MLH3: variants seen among roughly 807,000 people sequenced by gnomAD.
MLH3 encodes mutL homolog 3.
Under a neutral mutation model 122.2 loss-of-function variants are expected in MLH3, and 82 were observed. The ratio of observed to expected loss-of-function variants is 0.67; its 90% confidence interval spans 0.56 to 0.81. MLH3 has a LOEUF of 0.81. Among genes scored for constraint, MLH3 ranks in the 30% least tolerant of loss-of-function variants. The pLI is 0.00. For synonymous variants in MLH3, 524 were observed against 599.5 expected (o/e 0.87, Z 1.84); for missense variants, 1,539 against 1,714.5 (o/e 0.90, Z 1.81).
rs1242755524 is a variant in MLH3 at position 75,047,251 on chromosome 14, T to A, written c.2405A>T (p.Asp802Val). ...CTCCATAGTAGTGATTTTACAAACA[T>A]CAGAGTTCTCTAAGCGGTTCTTGTC... ...LKDKNRLENSDVCKITTMEHS... is the reference protein window; with the variant it reads ...LKDKNRLENSVVCKITTMEHS... The change falls in exon 2 of 13, where the codon GAT becomes GTT. Residue 802 changes from aspartate (D) to valine (V), a missense_variant. By Grantham distance (152) the Asp-to-Val change is radical. Transcript: ENST00000355774. 2 of 1,614,178 alleles carry A rather than the reference T, an allele frequency of 1.2e-6. No individual in the cohort carries two copies. The highest frequency in any genetic ancestry group is 4.5e-5 in the East Asian group (2 of 44,874).
At chr14:75,035,420 G>T (rs1041630580) in intron 6 of MLH3, among the ~76,000 whole-genome samples, 2 of 152,176 alleles carry the variant, frequency 1.3e-5, no homozygotes, top group African/African-American at 2.4e-5. Context: ...TACTTGGAAG[G>T]CTGAGGCTGG....
intron 6 of MLH3, 73 bp from the exon 7 acceptor site, chr14:75,033,563 A>T (rs1405043677): frequency 1.8e-6 from 2 of 1,142,590 alleles, no homozygotes; most frequent in Non-Finnish European, 2.7e-6. Context: ...GAGGACAGAG[A>T]AGACTTAATT....
In MLH3 at chr14:75,016,011, T is replaced by C. The variant is rs144155479; in HGVS notation, c.*1071A>G. 169 of 231,224 alleles carry C rather than the reference T, an allele frequency of 7.3e-4. No homozygotes were observed. The highest frequency in any genetic ancestry group is 3.7e-3 in the African/African-American group (167 of 45,360). The allele number at this position is 231,224 out of a possible 1,614,324, so 14.3% of individuals were successfully genotyped here. A position where few individuals can be genotyped will look rare whatever the true frequency, so the allele number is the denominator to read the frequency against. The stretch of plus-strand genomic sequence containing the variant: ...GCAATAAACATTACCAGCTGGCTTT[T>C]TGCATTTTTTTTCTACTATGCAATT... On this transcript the variant is annotated 3_prime_UTR_variant, in exon 13 of 13. Coordinates refer to ENST00000355774, the MANE Select transcript of MLH3 (RefSeq NM_001040108.2).
Position 75,016,772 on chromosome 14 carries a change from C to A in MLH3, c.*310G>T. ...AAATCACACCCTTCAAATAACAAAC[C>A]AAGCAACCAATCAAACTGTCATTAA... On this transcript the variant is annotated 3_prime_UTR_variant, in exon 13 of 13. Transcript: ENST00000355774. 2 of 308,608 alleles carry A rather than the reference C, an allele frequency of 6.5e-6. No individual in the cohort carries two copies. Among genetic ancestry groups the A allele is most frequent in the Non-Finnish European group, 6.3e-6 (1 of 158,598 alleles). 19.1% of individuals were successfully genotyped at this position (308,608 alleles called of 1,614,324 possible).
intron 6 of MLH3, among the ~76,000 whole-genome samples, chr14:75,037,344 C>T (rs1891490172): frequency 6.6e-6 from 1 of 152,200 alleles, no homozygotes; most frequent in African/African-American, 2.4e-5. Flanking sequence ...TCTTGTATCT[C>T]TTTCTCCATT....
rs750178172 is a variant in MLH3, at chr14:75,047,530, A to C, written c.2126T>G (p.Ile709Arg). 1 of 1,614,044 alleles carries C rather than the reference A, an allele frequency of 6.2e-7. No individual in the cohort carries two copies. Among genetic ancestry groups the C allele is most frequent in the Admixed American group, 1.7e-5 (1 of 60,030 alleles). The change falls in exon 2 of 13, where the codon ATA (isoleucine) becomes AGA (arginine). Residue 709 changes from isoleucine to arginine, a missense_variant. Ile to Arg is a moderately conservative substitution (Grantham distance 97, BLOSUM62 -3). Transcript: ENST00000355774. ...EGSKKSQTDC[I>R]LSDTSPSFPW... is the part of the protein sequence containing the mutation. ...GAAAGAGGGGGATGTATCAGATAAT[A>C]TGCAATCTGTTTGTGATTTTTTGCT...
chr14:75,016,753 C>G lies in MLH3; in HGVS notation c.*329G>C, dbSNP rs2139280046. The stretch of plus-strand genomic sequence containing the variant: ...AAAAACTGTACAAAAACAAAAATCA[C>G]ACCCTTCAAATAACAAACCAAGCAA... On this transcript the variant is annotated 3_prime_UTR_variant, in exon 13 of 13. Transcript: ENST00000355774. 1 of 322,384 alleles carries G rather than the reference C, an allele frequency of 3.1e-6. No homozygotes were observed. Among genetic ancestry groups the G allele is most frequent in the Non-Finnish European group, 6.0e-6 (1 of 166,320 alleles). 20.0% of individuals were successfully genotyped at this position (322,384 alleles called of 1,614,324 possible). A position where few individuals can be genotyped will look rare whatever the true frequency, so the allele number is the denominator to read the frequency against.
At chr14:75,038,316 A>T in intron 6 of MLH3, 24 bp downstream of exon 6, 2 of 1,572,898 alleles carry the variant, frequency 1.3e-6, no homozygotes, top group Non-Finnish European at 1.8e-6. Flanking sequence ...CTGGTTAATC[A>T]TTCAGGCTAA....
chr14:75,038,050 C>G (rs1334073056), intron 6 of MLH3, among the ~76,000 whole-genome samples: 1 of 152,172 alleles, frequency 6.6e-6, no homozygotes, highest in South Asian at 2.1e-4. Context: ...CAGGTGCACA[C>G]CACCATGCCC....
chr14:75,044,639 A>C (rs1054848459), intron 2 of MLH3, among the ~76,000 whole-genome samples: 1 of 152,238 alleles, frequency 6.6e-6, no homozygotes, highest in African/African-American at 2.4e-5. Context: ...CTCCTAATGA[A>C]TACTACAAAA....
chr14:75,049,663 A>G lies in MLH3; in HGVS notation c.-8T>C. On this transcript the variant is annotated 5_prime_UTR_variant, in exon 2 of 13. Coordinates refer to ENST00000355774, the MANE Select transcript of MLH3 (RefSeq NM_001040108.2). ...TGACAAGCACTTGATCATGGTAGGT[A>G]GAAAGATGGTGAGAATGCCAGGCAC... The G allele has an allele frequency of 6.2e-7, 1 of 1,613,180 alleles. No individual in the cohort carries two copies. Among genetic ancestry groups the G allele is most frequent in the South Asian group, 1.1e-5 (1 of 90,936 alleles).
chr14:75,049,527 GA>G lies in MLH3; in HGVS notation c.128del (p.Val43AlafsTer3). 6.2e-7 allele frequency: 1 copy of G among 1,614,120 alleles called. No individual in the cohort carries two copies. Among genetic ancestry groups the G allele is most frequent in the South Asian group, 1.1e-5 (1 of 91,074 alleles). The part of the protein sequence containing the change: ...SIDAEAKCVA[V>X]RVNMETFQVQ... ...CTTGGAAGGTTTCCATATTCACCCT[GA>G]CAGCCACACATTTTGCTTCAGCATC... On this transcript the variant is annotated frameshift_variant, in exon 2 of 13. Transcript: ENST00000355774. LOFTEE classifies it high-confidence loss of function.
In MLH3 at chr14:75,038,468, T is replaced by G. The variant is rs56082912; in HGVS notation, c.3571-56A>C. The G allele has an allele frequency of 1.1e-4, 121 of 1,104,584 alleles. 1 individual carries two copies. The East Asian group carries it at 1.2e-3, about 11-fold the overall frequency. The allele number at this position is 1,104,584 out of a possible 1,614,324, so 68.4% of individuals were successfully genotyped here. A position where few individuals can be genotyped will look rare whatever the true frequency, so the allele number is the denominator to read the frequency against. On this transcript the variant is annotated intron_variant, in intron 5 of 12. Transcript: ENST00000355774. ...CTAAATAAAAATTAACAAAGGCTTA[T>G]TTGCATAGAAAGATACAGAACTGTA...
chr14:75,022,298 C>T (rs546097887), intron 11 of MLH3, among the ~76,000 whole-genome samples: 4 of 152,118 alleles, frequency 2.6e-5, no homozygotes, highest in African/African-American at 9.7e-5. Flanking sequence ...TGCACATGTA[C>T]CCCCTGAACC....
intron 11 of MLH3, 141 bp from the exon 12 acceptor site, chr14:75,019,121 G>T: frequency 1.3e-6 from 1 of 794,034 alleles, no homozygotes; most frequent in Non-Finnish European, 2.0e-6. Flanking sequence ...CTTGAAATTG[G>T]TGCTTATAGG....
intron 6 of MLH3, among the ~76,000 whole-genome samples, chr14:75,037,712 G>A (rs1395732333): frequency 6.6e-6 from 1 of 152,020 alleles, no homozygotes; most frequent in Non-Finnish European, 1.5e-5. Context: ...CAGCTGTTAG[G>A]GAGGCAGAGG....
At chr14:75,042,325 G>A in intron 3 of MLH3, 54 bp downstream of exon 3, 2 of 1,480,326 alleles carry the variant, frequency 1.4e-6, no homozygotes, top group Non-Finnish European at 1.9e-6. Flanking sequence ...TTTGTTTTTT[G>A]AGTTAGGTGG....
chr14:75,020,766 C>T (rs565792846), intron 11 of MLH3: 3 of 152,220 alleles, frequency 2.0e-5, no homozygotes, highest in Admixed American at 6.5e-5. Flanking sequence ...CAATGGTGTT[C>T]GCTTTGGCAG....
At position 75,017,080 on chromosome 14, in the gene MLH3, T is replaced by A. The variant is rs1466491240; in HGVS notation, c.*2A>T. ...GTTCCTTTTAGACCAGTGATTCTGT[T>A]CTCATGGTGGCTCACAGGGAGGCAT... On this transcript the variant is annotated 3_prime_UTR_variant, in exon 13 of 13. Transcript: ENST00000355774. 1.2e-6 allele frequency: 2 copies of A among 1,613,768 alleles called. No homozygotes were observed. Among genetic ancestry groups the A allele is most frequent in the Non-Finnish European group, 1.7e-6 (2 of 1,179,786 alleles).
Sources: gnomAD v4.1 joint callset for allele counts (sites outside exome capture counted in the v4.1 genomes callset) on GRCh38, gnomAD v4.1.1 for gene constraint, MANE v1.5 for transcripts, NCBI Gene and HGNC (gene_info 2026-07-23, HGNC 2026-07-21) for gene names.